Variants in MAMDC2 observed in about 807,000 individuals in gnomAD.
MAMDC2 encodes the protein MAM domain-containing protein 2.
A neutral mutation model predicts 89.8 loss-of-function variants in MAMDC2; 57 were observed. The observed-to-expected ratio is 0.63, with a 90% CI of 0.51 to 0.79. The LOEUF is 0.79. Ranked by LOEUF, MAMDC2 falls within the 30% of genes least tolerant of loss-of-function variation. The pLI, the probability that MAMDC2 is intolerant of heterozygous loss-of-function variation, is 0.00. For missense variants in MAMDC2, 800 were observed against 820.6 expected (o/e 0.97, Z 0.31); for synonymous variants, 313 against 293.4 (o/e 1.07, Z -0.68).
At chr9:70,162,833 C>T (rs1175940686) in intron 9 of MAMDC2, among the ~76,000 whole-genome samples, 4 of 150,840 alleles carry the variant, frequency 2.7e-5, no homozygotes, top group Non-Finnish European at 4.4e-5. Context: ...GGCCTAGGGG[C>T]AGTCTGACCC....
chr9:70,209,090 T>C (rs4384045), intron 11 of MAMDC2, among the ~76,000 whole-genome samples: 130,338 of 152,166 alleles, frequency 0.86, 56,066 homozygotes, highest in East Asian at 0.96. Context: ...GTCTAAAATT[T>C]GCTTTTTTGT....
chr9:70,187,836 T>C (rs76042492), intron 11 of MAMDC2, among the ~76,000 whole-genome samples: 7,117 of 152,302 alleles, frequency 0.047, 200 homozygotes, highest in South Asian at 0.073. Context: ...ATAATAATGA[T>C]GCTATTTTAT....
chr9:70,145,677 A>AT (rs1217253290), intron 9 of MAMDC2, among the ~76,000 whole-genome samples: 1 of 152,118 alleles, frequency 6.6e-6, no homozygotes, highest in African/African-American at 2.4e-5. Flanking sequence ...TATTTTGCTG[A>AT]TTTTTTTAAA....
At chr9:70,218,619 T>C in intron 12 of MAMDC2, 23 bp downstream of exon 12, 1 of 1,563,244 alleles carries the variant, frequency 6.4e-7, no homozygotes, top group Non-Finnish European at 8.7e-7. Flanking sequence ...AGATAAGAAC[T>C]AAGCAATGGA....
intron 11 of MAMDC2, among the ~76,000 whole-genome samples, chr9:70,208,778 G>A (rs4394458): frequency 0.86 from 129,904 of 151,694 alleles, 55,858 homozygotes; most frequent in East Asian, 0.96. Context: ...GTTTGTCATA[G>A]ATAGCTATTA....
At chr9:70,189,856 T>A (rs2032841444) in intron 11 of MAMDC2, among the ~76,000 whole-genome samples, 1 of 152,138 alleles carries the variant, frequency 6.6e-6, no homozygotes, top group East Asian at 1.9e-4. Context: ...TTTCTTCTGC[T>A]AGTTCCAATC....
chr9:70,193,331 A>C (rs763123410), intron 11 of MAMDC2, among the ~76,000 whole-genome samples: 2 of 152,138 alleles, frequency 1.3e-5, no homozygotes, highest in Non-Finnish European at 2.9e-5. Flanking sequence ...AGAAAATTTT[A>C]ATTGACTCAA....
intron 9 of MAMDC2, among the ~76,000 whole-genome samples, chr9:70,156,801 G>C (rs2031779782): frequency 6.6e-6 from 1 of 152,220 alleles, no homozygotes; most frequent in Non-Finnish European, 1.5e-5. Flanking sequence ...TATGAGTAAG[G>C]CAGGCTGAGA....
chr9:70,060,377 G>A (rs1474259543), intron 2 of MAMDC2, among the ~76,000 whole-genome samples: 1 of 152,164 alleles, frequency 6.6e-6, no homozygotes, highest in Non-Finnish European at 1.5e-5. Flanking sequence ...AATAACAGAT[G>A]AGCTCGAGCA....
At position 70,108,331 on chromosome 9, in the gene MAMDC2, C is replaced by T. The variant is rs1388816491; in HGVS notation, c.269C>T (p.Ser90Phe). ...CLRLVYQITT[S>F]SESLSDPSQL... The stretch of plus-strand genomic sequence containing the variant: ...CGTTTGGTCTACCAGATAACCACAT[C>T]TTCGGAGTCTCTGTCAGATCCCAGC... The change falls in exon 3 of 14, where the codon TCT becomes TTT. Residue 90 changes from serine (S) to phenylalanine (F), a missense_variant. By Grantham distance (155) the Ser-to-Phe change is radical. Transcript: ENST00000377182. 2 of 1,614,006 alleles carry T rather than the reference C, an allele frequency of 1.2e-6. No individual in the cohort carries two copies. The highest frequency in any genetic ancestry group is 3.3e-5 in the Admixed American group (2 of 60,008).
At chr9:70,111,403 A>G (rs527446202) in intron 4 of MAMDC2, among the ~76,000 whole-genome samples, 36 of 152,284 alleles carry the variant, frequency 2.4e-4, no homozygotes, top group Admixed American at 1.8e-3. Context: ...GTTAAACTCT[A>G]TGATCACACT....
At chr9:70,084,286 G>T (rs2118148427) in intron 2 of MAMDC2, among the ~76,000 whole-genome samples, 1 of 152,154 alleles carries the variant, frequency 6.6e-6, no homozygotes, top group South Asian at 2.1e-4. Context: ...CTGAAGAATT[G>T]TCACCCAGAC....
At chr9:70,115,161 T>G (rs2029911824) in intron 5 of MAMDC2, among the ~76,000 whole-genome samples, 1 of 152,090 alleles carries the variant, frequency 6.6e-6, no homozygotes, top group Admixed American at 6.5e-5. Flanking sequence ...CAGCAGTGTA[T>G]TTAGATGGAT....
At chr9:70,189,106 ATATACT>A (rs1281310905) in intron 11 of MAMDC2, among the ~76,000 whole-genome samples, 1 of 152,164 alleles carries the variant, frequency 6.6e-6, no homozygotes, top group East Asian at 1.9e-4. Context: ...AGAAATAAAA[ATATACT>A]TATTCTGTTC....
At chr9:70,214,960 G>C (rs553987013) in intron 11 of MAMDC2, among the ~76,000 whole-genome samples, 1 of 152,300 alleles carries the variant, frequency 6.6e-6, no homozygotes, top group South Asian at 2.1e-4. Context: ...CCATTAGACA[G>C]TTTGAACAAG....
intron 2 of MAMDC2, among the ~76,000 whole-genome samples, chr9:70,054,248 C>G (rs1285410126): frequency 6.6e-6 from 1 of 151,974 alleles, no homozygotes; most frequent in African/African-American, 2.4e-5. Context: ...GATGATATCA[C>G]CCAAGGAGAA....
chr9:70,189,368 C>T (rs578238202), intron 11 of MAMDC2, among the ~76,000 whole-genome samples: 14 of 152,158 alleles, frequency 9.2e-5, no homozygotes, highest in African/African-American at 2.9e-4. Context: ...ATCTTCTGGC[C>T]TTTACAGTTT....
At chr9:70,100,481 A>C in intron 2 of MAMDC2, among the ~76,000 whole-genome samples, 1 of 152,190 alleles carries the variant, frequency 6.6e-6, no homozygotes, top group East Asian at 1.9e-4. Context: ...CAGCCCTGGG[A>C]AGGAAGCTGC....
At chr9:70,202,711 A>T (rs965276627) in intron 11 of MAMDC2, among the ~76,000 whole-genome samples, 2 of 149,116 alleles carry the variant, frequency 1.3e-5, no homozygotes, top group African/African-American at 5.0e-5. Context: ...TAGGTCACTC[A>T]GGAATTGCTT....
Sources: gnomAD v4.1 joint callset for allele counts (sites outside exome capture counted in the v4.1 genomes callset) on GRCh38, gnomAD v4.1.1 for gene constraint, MANE v1.5 for transcripts, NCBI Gene and HGNC (gene_info 2026-07-23, HGNC 2026-07-21) for gene names.